The following ZC3H13 variants were observed in gnomAD, a reference collection of about 807,000 sequenced individuals.
ZC3H13 encodes zinc finger CCCH domain-containing protein 13.
In ZC3H13, 64 loss-of-function variants were observed where a neutral mutation model predicts 204.1. That is an observed-to-expected ratio of 0.31 (90% CI 0.26 to 0.39). The LOEUF is 0.39. Ranked by LOEUF, ZC3H13 falls within the 10% of genes least tolerant of loss-of-function variation. The probability of loss-of-function intolerance (pLI) is 1.00; values close to 1 mark genes in which losing one functional copy is unlikely to be tolerated. For missense variants in ZC3H13, 1,833 were observed against 2,082.7 expected (o/e 0.88, Z 2.33); for synonymous variants, 667 against 693.7 (o/e 0.96, Z 0.60).
chr13:46,036,560 G>GAAA (rs946782243), intron 4 of ZC3H13, among the ~76,000 whole-genome samples: 3 of 151,294 alleles, frequency 2.0e-5, no homozygotes, highest in African/African-American at 7.3e-5. Flanking sequence ...AGTCTCAAAA[G>GAAA]AAAAACCTCG....
chr13:46,042,431 G>GA (rs376133202), intron 3 of ZC3H13, among the ~76,000 whole-genome samples, 156 bp from the exon 4 acceptor site: 24 of 152,146 alleles, frequency 1.6e-4, no homozygotes, highest in African/African-American at 5.5e-4. Flanking sequence ...CTGAATTTCT[G>GA]AAAAATTTCA....
chr13:46,021,726 T>C (rs148469411), intron 4 of ZC3H13, among the ~76,000 whole-genome samples: 19 of 151,590 alleles, frequency 1.3e-4, no homozygotes. Flanking sequence ...ATGAAAAAAA[T>C]GGTGAAGAGT....
intron 17 of ZC3H13, chr13:45,962,052 AG>A (rs1951730567): frequency 2.0e-6 from 1 of 492,244 alleles, no homozygotes; most frequent in Non-Finnish European, 2.6e-6. Flanking sequence ...ACACTTGAAT[AG>A]ACAAAATGGA....
intron 18 of ZC3H13, among the ~76,000 whole-genome samples, chr13:45,957,984 G>A (rs2137695837): frequency 6.6e-6 from 1 of 152,272 alleles, no homozygotes; most frequent in South Asian, 2.1e-4. Flanking sequence ...AGGGACCAGG[G>A]AATGTTACAA....
chr13:45,992,924 C>A (rs918114962), intron 8 of ZC3H13, among the ~76,000 whole-genome samples: 2 of 152,174 alleles, frequency 1.3e-5, no homozygotes, highest in Admixed American at 6.5e-5. Context: ...AATTACACCA[C>A]CAGCTTTCCT....
At chr13:46,046,690 C>CTA (rs1024031436) in intron 1 of ZC3H13, among the ~76,000 whole-genome samples, 32 of 150,812 alleles carry the variant, frequency 2.1e-4, no homozygotes, top group South Asian at 1.3e-3. Flanking sequence ...AAAACTCTCT[C>CTA]TATATATATA....
At chr13:45,962,555 C>T in intron 17 of ZC3H13, 2 of 985,062 alleles carry the variant, frequency 2.0e-6, no homozygotes, top group Non-Finnish European at 2.4e-6. Context: ...AGAACTAAGT[C>T]TTGGGTCATT....
intron 8 of ZC3H13, among the ~76,000 whole-genome samples, chr13:45,999,419 G>T (rs1026675106): frequency 2.0e-5 from 3 of 152,172 alleles, no homozygotes; most frequent in Admixed American, 6.5e-5. Context: ...TTAAAAAAAT[G>T]TTTCTAGCAT....
intron 4 of ZC3H13, among the ~76,000 whole-genome samples, chr13:46,031,598 C>T (rs1348915446): frequency 1.3e-5 from 2 of 152,034 alleles, no homozygotes; most frequent in Admixed American, 1.3e-4. Flanking sequence ...AATAAGAAAA[C>T]AACCTGTTTT....
At chr13:45,985,909 T>A (rs1021814921) in intron 9 of ZC3H13, 148 bp from the exon 10 acceptor site, 3 of 735,284 alleles carry the variant, frequency 4.1e-6, no homozygotes, top group Non-Finnish European at 6.4e-6. Context: ...ATTCCAAAGA[T>A]AATTAACACC....
chr13:46,003,402 C>T, intron 7 of ZC3H13, 66 bp from the exon 8 acceptor site: 1 of 1,462,360 alleles, frequency 6.8e-7, no homozygotes, highest in East Asian at 2.3e-5. Context: ...TTAAAGCCTT[C>T]TTAAAAACAG....
chr13:46,032,784 C>G (rs1012666475), intron 4 of ZC3H13, among the ~76,000 whole-genome samples: 2 of 152,032 alleles, frequency 1.3e-5, no homozygotes, highest in Non-Finnish European at 2.9e-5. Context: ...ATGTACCATA[C>G]AATCATACAA....
chr13:46,048,149 G>A (rs2044108762), intron 1 of ZC3H13, among the ~76,000 whole-genome samples: 1 of 152,074 alleles, frequency 6.6e-6, no homozygotes, highest in Non-Finnish European at 1.5e-5. Flanking sequence ...TACTTTTTGA[G>A]GGTTCCAGGT....
At position 45,975,382 on chromosome 13, in the gene ZC3H13, C is replaced by A. The variant is rs1477590345; in HGVS notation, c.2369G>T (p.Trp790Leu). ...ATCTCGTCCTTTGTCTTTGTCTTCC[C>A]AATCCCTTTGGCGTTCTCGTTCTTT... ...RDKERERQRD[W>L]EDKDKGRDDR... Residue 790 changes from tryptophan (W) to leucine (L), a missense_variant, in exon 12 of 19, where the codon TGG becomes TTG. Physicochemically the swap from Trp to Leu is moderately conservative, Grantham distance 61. Transcript: ENST00000679008. 5 of 1,613,842 alleles carry A rather than the reference C, an allele frequency of 3.1e-6. No individual in the cohort carries two copies. Among genetic ancestry groups the A allele is most frequent in the Non-Finnish European group, 4.2e-6 (5 of 1,179,946 alleles).
At chr13:45,988,123 G>C (rs975917875) in intron 9 of ZC3H13, among the ~76,000 whole-genome samples, 1 of 152,104 alleles carries the variant, frequency 6.6e-6, no homozygotes, top group African/African-American at 2.4e-5. Flanking sequence ...CTGATTTGTT[G>C]CTTTTCTTCC....
Position 45,954,485 on chromosome 13 carries a change from A to G in ZC3H13, c.*2642T>C, listed in dbSNP as rs1301159514. 1.3e-5 allele frequency: 2 copies of G among 151,970 alleles called. No individual in the cohort carries two copies. The highest frequency in any genetic ancestry group is 2.9e-5 in the Non-Finnish European group (2 of 67,974). 9.4% of individuals were successfully genotyped at this position (151,970 alleles called of 1,614,324 possible). A position where few individuals can be genotyped will look rare whatever the true frequency, so the allele number is the denominator to read the frequency against. ...CAAAATTAATGAATAAAGAAAGTTT[A>G]TTGGAGATTATTAAAGAAAAATGAT... is the stretch of plus-strand genomic sequence containing the variant. On this transcript the variant is annotated 3_prime_UTR_variant, in exon 19 of 19. Coordinates refer to ENST00000679008, the MANE Select transcript of ZC3H13 (RefSeq NM_001330564.2).
intron 4 of ZC3H13, among the ~76,000 whole-genome samples, chr13:46,024,043 G>A (rs1038819869): frequency 6.6e-6 from 1 of 152,158 alleles, no homozygotes; most frequent in Non-Finnish European, 1.5e-5. Flanking sequence ...AGGAGAATGG[G>A]ATTATTCTAA....
intron 5 of ZC3H13, 143 bp downstream of exon 5, chr13:46,020,306 A>G: frequency 1.4e-6 from 1 of 690,386 alleles, no homozygotes; most frequent in Non-Finnish European, 2.4e-6. Context: ...TTTTTGCCTT[A>G]TAATTCAGTA....
At chr13:45,965,972 T>C (rs1952047867) in intron 15 of ZC3H13, among the ~76,000 whole-genome samples, 1 of 152,172 alleles carries the variant, frequency 6.6e-6, no homozygotes, top group East Asian at 1.9e-4. Flanking sequence ...TCTCAACATC[T>C]CAATTCCTCC....
Sources: allele counts gnomAD v4.1 joint callset (sites outside exome capture counted in the v4.1 genomes callset), GRCh38; gene constraint gnomAD v4.1.1; transcripts MANE v1.5; gene names NCBI Gene and HGNC (gene_info 2026-07-23, HGNC 2026-07-21).